The following CCDC73 variants were observed in gnomAD, a reference collection of about 807,000 sequenced individuals.
CCDC73 encodes coiled-coil domain containing 73.
A neutral mutation model predicts 116.5 loss-of-function variants in CCDC73; 95 were observed. That is an observed-to-expected ratio of 0.82 (90% confidence interval 0.69 to 0.97). The LOEUF is 0.97. Ranked by LOEUF, CCDC73 falls within the 50% of genes least tolerant of loss-of-function variation. The pLI is 0.00. For missense variants in CCDC73, 1,066 were observed against 1,206.8 expected (o/e 0.88, Z 1.73); for synonymous variants, 398 against 401.3 (o/e 0.99, Z 0.10).
At chr11:32,732,986 G>C (rs1850093661) in intron 2 of CCDC73, among the ~76,000 whole-genome samples, 1 of 152,148 alleles carries the variant, frequency 6.6e-6, no homozygotes, top group Admixed American at 6.5e-5. Context: ...ATTGGATAAA[G>C]AGTCAAGAAC....
chr11:32,643,854 G>A (rs1390727700), intron 12 of CCDC73, among the ~76,000 whole-genome samples: 1 of 151,842 alleles, frequency 6.6e-6, no homozygotes, highest in Non-Finnish European at 1.5e-5. Context: ...AATAAATCAA[G>A]CTTAGTTGAC....
the CCDC73 span, among the ~76,000 whole-genome samples, chr11:32,815,477 AG>A: frequency 5.7e-5 from 7 of 122,482 alleles, no homozygotes; most frequent in South Asian, 1.8e-3. Flanking sequence ...TGGGATTTAC[AG>A]GCGTGAGCCA....
At chr11:32,691,652 CT>C (rs1187738915) in intron 6 of CCDC73, among the ~76,000 whole-genome samples, 1 of 152,010 alleles carries the variant, frequency 6.6e-6, no homozygotes, top group African/African-American at 2.4e-5. Flanking sequence ...TACTCTGTGG[CT>C]TGTCTTTTCA....
chr11:32,711,129 A>G (rs1849896910), intron 3 of CCDC73, among the ~76,000 whole-genome samples: 1 of 152,182 alleles, frequency 6.6e-6, no homozygotes, highest in African/African-American at 2.4e-5. Context: ...ATAATCAAAA[A>G]ATCAAAAAAT....
chr11:32,628,769 A>G (rs747951953), intron 14 of CCDC73, among the ~76,000 whole-genome samples: 4 of 152,250 alleles, frequency 2.6e-5, no homozygotes, highest in African/African-American at 4.8e-5. Flanking sequence ...TTCTAACACA[A>G]TAAAAATTTA....
At chr11:32,786,218 A>G (rs1850624901) in intron 1 of CCDC73, among the ~76,000 whole-genome samples, 1 of 151,652 alleles carries the variant, frequency 6.6e-6, no homozygotes, top group Non-Finnish European at 1.5e-5. Context: ...AAGGGTTGCC[A>G]TTAAGAAATG....
chr11:32,811,431 G>T, the CCDC73 span, among the ~76,000 whole-genome samples: 1 of 152,236 alleles, frequency 6.6e-6, no homozygotes, highest in African/African-American at 2.4e-5. Flanking sequence ...ATACATTGAT[G>T]CATACTGCCT....
At chr11:32,665,657 C>T (rs538759321) in intron 9 of CCDC73, among the ~76,000 whole-genome samples, 58 of 152,276 alleles carry the variant, frequency 3.8e-4, no homozygotes, top group African/African-American at 1.4e-3. Flanking sequence ...AGCCCATTTA[C>T]ATTTAAGGTT....
At chr11:32,803,440 T>C in the CCDC73 span, among the ~76,000 whole-genome samples, 1 of 152,250 alleles carries the variant, frequency 6.6e-6, no homozygotes, top group Admixed American at 6.5e-5. Context: ...AATAGACTAA[T>C]GTACTAAACA....
intron 10 of CCDC73, 56 bp downstream of exon 10, chr11:32,654,788 C>A: frequency 8.1e-7 from 1 of 1,230,340 alleles, no homozygotes; most frequent in South Asian, 1.7e-5. Flanking sequence ...TTCTGAAATT[C>A]TCATAAGTTT....
At chr11:32,811,420 T>C in the CCDC73 span, among the ~76,000 whole-genome samples, 1 of 152,246 alleles carries the variant, frequency 6.6e-6, no homozygotes, top group Non-Finnish European at 1.5e-5. Context: ...AGAATTGTTA[T>C]ATACATTGAT....
At chr11:32,791,573 G>A (rs754079086) in intron 1 of CCDC73, among the ~76,000 whole-genome samples, 5 of 152,228 alleles carry the variant, frequency 3.3e-5, no homozygotes, top group Non-Finnish European at 4.4e-5. Flanking sequence ...ACATACTTTG[G>A]AAAATTCTAA....
chr11:32,753,765 T>C (rs1850308338), intron 2 of CCDC73, among the ~76,000 whole-genome samples: 1 of 152,016 alleles, frequency 6.6e-6, no homozygotes, highest in African/African-American at 2.4e-5. Context: ...CATGCCTGGG[T>C]CCCAAATAAA....
intron 17 of CCDC73, chr11:32,604,459 A>G (rs1855319574): frequency 6.6e-6 from 1 of 152,194 alleles, no homozygotes; most frequent in Non-Finnish European, 1.5e-5. Context: ...ATGAAACAGG[A>G]TAAGAATTAC....
intron 1 of CCDC73, among the ~76,000 whole-genome samples, chr11:32,764,832 G>T (rs758400403): frequency 6.6e-6 from 1 of 152,020 alleles, no homozygotes; most frequent in Admixed American, 6.6e-5. Context: ...TTGGATAAAG[G>T]GTCAAGACCC....
chr11:32,697,299 CATA>C (rs1276216971), intron 6 of CCDC73, among the ~76,000 whole-genome samples: 1 of 146,980 alleles, frequency 6.8e-6, no homozygotes, highest in African/African-American at 2.5e-5. Context: ...TTTATATGAT[CATA>C]ATATTATACC....
At chr11:32,817,803 GC>G in the CCDC73 span, among the ~76,000 whole-genome samples, 1 of 152,174 alleles carries the variant, frequency 6.6e-6, no homozygotes, top group Non-Finnish European at 1.5e-5. Flanking sequence ...ATACAGTCAT[GC>G]TTTCCAAAAT....
intron 2 of CCDC73, among the ~76,000 whole-genome samples, chr11:32,747,184 C>A (rs532040022): frequency 1.3e-5 from 2 of 152,260 alleles, no homozygotes; most frequent in Admixed American, 6.5e-5. Context: ...CAGACTGTCT[C>A]CTCAGCTGCA....
chr11:32,665,003 T>G (rs1216787061), intron 9 of CCDC73, among the ~76,000 whole-genome samples: 1 of 152,232 alleles, frequency 6.6e-6, no homozygotes, highest in Non-Finnish European at 1.5e-5. Flanking sequence ...TCTAATTTGA[T>G]TGCACTGTGG....
Sources: allele counts gnomAD v4.1 joint callset (sites outside exome capture counted in the v4.1 genomes callset), GRCh38; gene constraint gnomAD v4.1.1; transcripts MANE v1.5; gene names NCBI Gene and HGNC (gene_info 2026-07-23, HGNC 2026-07-21).